PPP1R16A: variants seen among roughly 807,000 people sequenced by gnomAD.
PPP1R16A encodes myosin phosphatase-targeting subunit 3.
In PPP1R16A, 39 loss-of-function variants were observed where a neutral mutation model predicts 46.6. The ratio of observed to expected loss-of-function variants is 0.84; its 90% CI spans 0.65 to 1.09. PPP1R16A has a LOEUF of 1.09. Among genes scored for constraint, PPP1R16A ranks in the 50% least tolerant of loss-of-function variants. The pLI, the probability that PPP1R16A is intolerant of heterozygous loss-of-function variation, is 0.00. For missense variants in PPP1R16A, 798 were observed against 735.6 expected (o/e 1.08, Z -0.98); for synonymous variants, 413 against 321.5 (o/e 1.28, Z -3.04).
In PPP1R16A at chr8:144,500,900, C is replaced by T. The variant is rs1370446314; in HGVS notation, c.966C>T (p.Asp322=). ...TGCTGGAGCTGAAGCACAAGCACGA[C>T]GCCCTCCTGCGCGCCCAGAGCCGCC... is the stretch of plus-strand genomic sequence containing the variant. ...AKLLELKHKH[D]ALLRAQSRQR... The change falls in exon 10 of 12, where the codon GAC becomes GAT. Residue 322 remains aspartate, a synonymous_variant. Transcript: ENST00000435887. 1.8e-5 allele frequency: 27 copies of T among 1,538,790 alleles called. No homozygotes were observed. Among genetic ancestry groups the T allele is most frequent in the Non-Finnish European group, 1.9e-5 (22 of 1,145,006 alleles).
intron 1 of PPP1R16A, among the ~76,000 whole-genome samples, chr8:144,482,784 G>A (rs1227734641): frequency 6.6e-6 from 1 of 152,040 alleles, no homozygotes; most frequent in Non-Finnish European, 1.5e-5. Context: ...GAGTAGCTGG[G>A]ACTACAGGCG....
At chr8:144,498,877 G>GCC in intron 4 of PPP1R16A, 37 bp downstream of exon 4, 1 of 1,612,362 alleles carries the variant, frequency 6.2e-7, no homozygotes, top group South Asian at 1.1e-5. Context: ...GTGGGGGCTG[G>GCC]CCCCCGTGCT....
chr8:144,482,049 T>C (rs1825451634), intron 1 of PPP1R16A, among the ~76,000 whole-genome samples: 1 of 152,110 alleles, frequency 6.6e-6, no homozygotes, highest in Non-Finnish European at 1.5e-5. Context: ...GTGCTGGGAT[T>C]ACCAGTGTGA....
chr8:144,498,568 G>A (rs1479762507), intron 3 of PPP1R16A: 2 of 559,124 alleles, frequency 3.6e-6, no homozygotes, highest in Admixed American at 3.3e-5. Context: ...GCAGGTGGGT[G>A]GAGGCAGAGG....
intron 1 of PPP1R16A, among the ~76,000 whole-genome samples, chr8:144,487,458 C>T (rs1825661525): frequency 1.3e-5 from 2 of 152,018 alleles, no homozygotes; most frequent in Non-Finnish European, 2.9e-5. Context: ...CAACCTCTGC[C>T]TCCCAGGCTC....
Position 144,500,580 on chromosome 8 carries a change from G to C in PPP1R16A, c.799G>C (p.Glu267Gln), listed in dbSNP as rs748130026. The change falls in exon 8 of 12, where the codon GAG becomes CAG. Residue 267 changes from glutamate (E) to glutamine (Q), a missense_variant. Glu to Gln is a conservative substitution (Grantham distance 29). Coordinates refer to ENST00000435887, the MANE Select transcript of PPP1R16A (RefSeq NM_001329443.2). ...SLSAKDQDGW[E>Q]PLHAAAYWGQ... ...GAGCGCTAAGGACCAAGACGGCTGG[G>C]AGCCGCTGCACGCCGCGGCCTACTG... 8 of 1,598,874 alleles carry C rather than the reference G, an allele frequency of 5.0e-6. No individual in the cohort carries two copies. Among genetic ancestry groups the C allele is most frequent in the Non-Finnish European group, 8.5e-7 (1 of 1,179,138 alleles).
In PPP1R16A at chr8:144,490,031, C is replaced by T. The variant is rs937170989; in HGVS notation, c.-913-3C>T. On this transcript the variant is annotated splice_polypyrimidine_tract_variant and splice_region_variant and intron_variant, in intron 1 of 11. Coordinates refer to ENST00000435887, the MANE Select transcript of PPP1R16A (RefSeq NM_001329443.2). Reference sequence around the variant, plus strand: ...CAAAGACTGATGAAGGCCCCTTTTCCAGGTACTGGCACACGGATGAGGAGT... The same window carrying T: ...CAAAGACTGATGAAGGCCCCTTTTCTAGGTACTGGCACACGGATGAGGAGT... 3.7e-4 allele frequency: 57 copies of T among 152,392 alleles called. 1 individual carries two copies. Among genetic ancestry groups the T allele is most frequent in the Non-Finnish European group, 1.5e-4 (10 of 68,092 alleles). The allele number at this position is 152,392 out of a possible 1,614,324, so 9.4% of individuals were successfully genotyped here.
At chr8:144,489,398 AG>A (rs1825725508) in intron 1 of PPP1R16A, among the ~76,000 whole-genome samples, 1 of 20,832 alleles carries the variant, frequency 4.8e-5, no homozygotes, top group Non-Finnish European at 9.4e-5. Context: ...TTGGACTGGG[AG>A]GGGGGTTTGT....
chr8:144,497,064 A>G lies in PPP1R16A; in HGVS notation c.-131A>G. ...GGGGCCTCCTGACCCAGCCAAGGGCACGAAGCTCTGGGAAGGGGATGCCCC... is the reference window on the plus strand; with the variant it reads ...GGGGCCTCCTGACCCAGCCAAGGGCGCGAAGCTCTGGGAAGGGGATGCCCC... On this transcript the variant is annotated 5_prime_UTR_variant, in exon 3 of 12. Coordinates refer to ENST00000435887, the MANE Select transcript of PPP1R16A (RefSeq NM_001329443.2). The G allele has an allele frequency of 8.0e-7, 1 of 1,252,290 alleles. No individual in the cohort carries two copies. Among genetic ancestry groups the G allele is most frequent in the Non-Finnish European group, 1.1e-6 (1 of 903,386 alleles). 77.6% of individuals were successfully genotyped at this position (1,252,290 alleles called of 1,614,324 possible). A position where few individuals can be genotyped will look rare whatever the true frequency, so the allele number is the denominator to read the frequency against.
In PPP1R16A at chr8:144,493,737, T is replaced by C. The variant is rs916607298; in HGVS notation, c.-734-2724T>C. Among the ~76,000 whole-genome samples, 9 of 152,118 alleles carry C rather than the reference T, an allele frequency of 5.9e-5. No homozygotes were observed. The highest frequency in any genetic ancestry group is 2.2e-4 in the African/African-American group (9 of 41,452). On this transcript the variant is annotated intron_variant, in intron 2 of 11. Coordinates refer to ENST00000435887, the MANE Select transcript of PPP1R16A (RefSeq NM_001329443.2). This position sits in a 1 kb window ranked among gnomAD's most constrained non-coding sequence, Gnocchi z 4.3. ...ACTCTTGGGGGGCCCTGGGCTCACT[T>C]TGGGTACCTCGTTTTCTCTTAGAGG...
At chr8:144,491,965 A>C (rs1336689323) in intron 2 of PPP1R16A, among the ~76,000 whole-genome samples, 1 of 152,162 alleles carries the variant, frequency 6.6e-6, no homozygotes, top group East Asian at 1.9e-4. Context: ...ACAACAAAAC[A>C]ACCAAGTCTT....
intron 2 of PPP1R16A, among the ~76,000 whole-genome samples, chr8:144,491,325 C>A (rs1021460676): frequency 1.3e-5 from 2 of 151,868 alleles, no homozygotes; most frequent in Non-Finnish European, 2.9e-5. Context: ...CAAATAAAAT[C>A]AAATCTGGTC....
intron 1 of PPP1R16A, chr8:144,478,841 C>G (rs1825280249): frequency 6.6e-6 from 1 of 152,352 alleles, no homozygotes; most frequent in Non-Finnish European, 1.5e-5. Context: ...CCTGTCTGTA[C>G]CAGAGCGGAG....
Position 144,497,259 on chromosome 8 carries a change from G to A in PPP1R16A, c.65G>A (p.Arg22Gln), listed in dbSNP as rs764851503. The change falls in exon 3 of 12, where the codon CGG (arginine) becomes CAG (glutamine). Residue 22 changes from arginine to glutamine, a missense_variant. Arg to Gln is a conservative substitution (Grantham distance 43). Coordinates refer to ENST00000435887, the MANE Select transcript of PPP1R16A (RefSeq NM_001329443.2). The part of the protein sequence containing the change: ...PMVGRMSTQE[R>Q]LKHAQKRRAQ... ...GTGGGCAGGATGAGCACACAGGAGC[G>A]GCTGAAGCATGCCCAGAAGCGGCGC... The A allele has an allele frequency of 6.8e-6, 11 of 1,609,042 alleles. No individual in the cohort carries two copies. The highest frequency in any genetic ancestry group is 8.5e-6 in the Non-Finnish European group (10 of 1,178,496).
In PPP1R16A at chr8:144,502,029, C is replaced by T; in HGVS notation, c.*126C>T. ...GCTTCTACTGTACAGGACACTGGCC[C>T]CTCTCAGGTCAGAAGACATGCCTGG... is the stretch of plus-strand genomic sequence containing the variant. On this transcript the variant is annotated 3_prime_UTR_variant, in exon 12 of 12. Transcript: ENST00000435887. 2.1e-6 allele frequency: 2 copies of T among 947,812 alleles called. No individual in the cohort carries two copies. The highest frequency in any genetic ancestry group is 1.8e-5 in the South Asian group (1 of 54,244). The allele number at this position is 947,812 out of a possible 1,614,324, so 58.7% of individuals were successfully genotyped here.
chr8:144,501,618 C>T lies in PPP1R16A; in HGVS notation c.1302C>T (p.Tyr434=). The T allele has an allele frequency of 2.5e-6, 4 of 1,610,174 alleles. No homozygotes were observed. Among genetic ancestry groups the T allele is most frequent in the Non-Finnish European group, 3.4e-6 (4 of 1,178,704 alleles). Residue 434 remains tyrosine (Y), a synonymous_variant, in exon 12 of 12, where the codon TAC becomes TAT. Transcript: ENST00000435887. ...AGCGACTAGACCGGAGTGTCTCCTA[C>T]CAGCTGAGCCCCCTGGACAGCACCA... The part of the protein sequence containing the change: ...YSKRLDRSVS[Y]QLSPLDSTTP...
chr8:144,482,514 G>A (rs1355753658), intron 1 of PPP1R16A, among the ~76,000 whole-genome samples: 5 of 151,634 alleles, frequency 3.3e-5, no homozygotes, highest in Non-Finnish European at 7.4e-5. Context: ...TCAACCTCCC[G>A]GGTTTAAGCA....
At position 144,501,572 on chromosome 8, in the gene PPP1R16A, C is replaced by T. The variant is rs750323005; in HGVS notation, c.1256C>T (p.Pro419Leu). The change falls in exon 12 of 12, where the codon CCA becomes CTA. Residue 419 changes from proline to leucine, a missense_variant. Pro to Leu is a moderately conservative substitution (Grantham distance 98). Transcript: ENST00000435887. ...CACAATGGCCGAGTAGGGGGCTCCC[C>T]AGTGCGGCATCTATACTCCAAGCGA... ...RPHNGRVGGS[P>L]VRHLYSKRLD... 35 of 1,595,960 alleles carry T rather than the reference C, an allele frequency of 2.2e-5. No individual in the cohort carries two copies. Among genetic ancestry groups the T allele is most frequent in the East Asian group, 2.3e-5 (1 of 43,548 alleles).
At chr8:144,500,066 T>C in intron 5 of PPP1R16A, 30 bp from the exon 6 acceptor site, 1 of 1,582,536 alleles carries the variant, frequency 6.3e-7, no homozygotes, top group South Asian at 1.1e-5. Context: ...AAGGGCCTTG[T>C]GCCCAGCACC....
Sources: gnomAD v4.1 joint callset for allele counts (sites outside exome capture counted in the v4.1 genomes callset) on GRCh38, gnomAD v4.1.1 for gene constraint, Gnocchi (gnomAD v3.1) non-coding constraint, MANE v1.5 for transcripts, NCBI Gene and HGNC (gene_info 2026-07-23, HGNC 2026-07-21) for gene names.